Variants in DRC8 observed in about 807,000 individuals in gnomAD.
DRC8 encodes the protein dynein regulatory complex subunit 8, also known as dynein regulatory complex protein 8.
the DRC8 span, among the ~76,000 whole-genome samples, chr1:245,119,516 T>C: frequency 6.6e-6 from 1 of 151,056 alleles, no homozygotes; most frequent in East Asian, 2.0e-4. Context: ...AATTTAAAAG[T>C]AACTGGGCAT....
At chr1:244,985,081 T>G in the DRC8 span, among the ~76,000 whole-genome samples, 58 of 24,456 alleles carry the variant, frequency 2.4e-3, no homozygotes, top group African/African-American at 5.4e-3. Context: ...CCAGGGTTTT[T>G]TTTTTTTTTT....
At chr1:245,062,901 G>T in the DRC8 span, among the ~76,000 whole-genome samples, 7 of 152,106 alleles carry the variant, frequency 4.6e-5, no homozygotes, top group Non-Finnish European at 1.0e-4. Flanking sequence ...ACTCTGCTTG[G>T]CCTCTGTTAC....
the DRC8 span, among the ~76,000 whole-genome samples, chr1:245,096,029 C>G: frequency 6.6e-6 from 1 of 152,114 alleles, no homozygotes; most frequent in South Asian, 2.1e-4. Flanking sequence ...TTTCTAAAGG[C>G]CCACAGCAAT....
chr1:245,050,969 C>G, the DRC8 span, among the ~76,000 whole-genome samples: 3 of 152,148 alleles, frequency 2.0e-5, no homozygotes, highest in Non-Finnish European at 2.9e-5. Flanking sequence ...CCTCAACCTC[C>G]TGGGCTCAAG....
At chr1:244,975,844 G>A in the DRC8 span, among the ~76,000 whole-genome samples, 1 of 151,218 alleles carries the variant, frequency 6.6e-6, no homozygotes, top group South Asian at 2.1e-4. Context: ...TGAGTAACAG[G>A]GTGAGACTCT....
At chr1:245,047,453 G>A in the DRC8 span, among the ~76,000 whole-genome samples, 3 of 151,984 alleles carry the variant, frequency 2.0e-5, no homozygotes, top group Admixed American at 6.6e-5. Flanking sequence ...TGGCCAACAT[G>A]GTAAAACCCC....
the DRC8 span, chr1:245,081,999 G>A: frequency 9.0e-7 from 1 of 1,114,952 alleles, no homozygotes; most frequent in Non-Finnish European, 1.4e-6. Context: ...AGAGTCTCTA[G>A]CACTTGGCAC....
At chr1:244,982,421 T>C in the DRC8 span, among the ~76,000 whole-genome samples, 1 of 152,228 alleles carries the variant, frequency 6.6e-6, no homozygotes, top group African/African-American at 2.4e-5. Context: ...TCCCAGCACT[T>C]TGGGAGGCCA....
the DRC8 span, among the ~76,000 whole-genome samples, chr1:245,022,610 T>G: frequency 6.6e-6 from 1 of 152,202 alleles, no homozygotes; most frequent in Non-Finnish European, 1.5e-5. Flanking sequence ...AATCTCTTTT[T>G]TACCTATCCA....
the DRC8 span, among the ~76,000 whole-genome samples, chr1:245,118,838 A>AAGAAAAGAAAAG: frequency 1.3e-5 from 2 of 151,952 alleles, no homozygotes; most frequent in African/African-American, 2.4e-5. Context: ...AAGAAAAGAA[A>AAGAAAAGAAAAG]AAAATAATGA....
chr1:244,974,752 T>A, the DRC8 span, among the ~76,000 whole-genome samples: 2 of 151,852 alleles, frequency 1.3e-5, no homozygotes, highest in African/African-American at 4.8e-5. Context: ...TGGAATGTAG[T>A]GGTGCCATCA....
At chr1:245,033,759 T>C in the DRC8 span, among the ~76,000 whole-genome samples, 2 of 152,096 alleles carry the variant, frequency 1.3e-5, no homozygotes, top group East Asian at 1.9e-4. Flanking sequence ...AGAGTCTCAC[T>C]TGCCCAGGCT....
the DRC8 span, among the ~76,000 whole-genome samples, chr1:245,115,488 G>A: frequency 6.6e-6 from 1 of 152,246 alleles, no homozygotes; most frequent in African/African-American, 2.4e-5. Context: ...AGGGAACCTG[G>A]TGACAGTGGG....
the DRC8 span, among the ~76,000 whole-genome samples, chr1:244,977,740 C>G: frequency 3.9e-5 from 6 of 151,966 alleles, no homozygotes; most frequent in Non-Finnish European, 8.8e-5. Context: ...GGATATTTAT[C>G]CTTAGAAATA....
the DRC8 span, among the ~76,000 whole-genome samples, chr1:245,095,926 C>T: frequency 1.3e-5 from 2 of 152,302 alleles, no homozygotes; most frequent in African/African-American, 2.4e-5. Context: ...AAACCCTCCT[C>T]AGCATATTTT....
At chr1:245,003,009 A>T in the DRC8 span, among the ~76,000 whole-genome samples, 3 of 151,998 alleles carry the variant, frequency 2.0e-5, no homozygotes, top group East Asian at 5.8e-4. Flanking sequence ...GAGTTTGAGC[A>T]CTCTAGGTAC....
At chr1:245,048,648 C>T in the DRC8 span, among the ~76,000 whole-genome samples, 2 of 152,182 alleles carry the variant, frequency 1.3e-5, no homozygotes, top group Admixed American at 6.5e-5. Context: ...GTTTTTGCCT[C>T]CTCTTTCTCC....
the DRC8 span, chr1:245,123,070 G>C: frequency 1.3e-5 from 2 of 152,066 alleles, no homozygotes; most frequent in Non-Finnish European, 2.9e-5. The surrounding 1 kb of genome is among the most constrained non-coding windows in gnomAD (Gnocchi z 5.0). Flanking sequence ...TATATCCTTA[G>C]TTCATTCTTT....
chr1:245,035,879 A>G, the DRC8 span, among the ~76,000 whole-genome samples: 15 of 151,772 alleles, frequency 9.9e-5, 2 homozygotes, highest in East Asian at 3.9e-4. Context: ...AAAAAAAAAA[A>G]AAGAAGAAGA....
Sources: gnomAD v4.1 joint callset for allele counts (sites outside exome capture counted in the v4.1 genomes callset) on GRCh38, gnomAD v4.1.1 for gene constraint, Gnocchi (gnomAD v3.1) non-coding constraint, MANE v1.5 for transcripts, NCBI Gene and HGNC (gene_info 2026-07-23, HGNC 2026-07-21) for gene names.